The following CNTNAP3B variants were observed in gnomAD, a reference collection of about 807,000 sequenced individuals.
CNTNAP3B encodes contactin-associated protein-like 3B.
CNTNAP3B carries 25 observed loss-of-function variants against 108.9 expected under a neutral mutation model. The ratio of observed to expected loss-of-function variants is 0.23; its 90% CI spans 0.17 to 0.32. The LOEUF (loss-of-function observed/expected upper bound fraction) is 0.32, where lower values mean the gene tolerates loss of function less well. CNTNAP3B is among the 10% of genes least tolerant of loss of function. The probability of loss-of-function intolerance (pLI) is 1.00; values close to 1 mark genes in which losing one functional copy is unlikely to be tolerated. For synonymous variants in CNTNAP3B, 103 were observed against 473.4 expected (o/e 0.22, Z 10.16); for missense variants, 252 against 1,210.4 (o/e 0.21, Z 11.75).
chr9:41,919,552 T>C (rs1323165976), intron 18 of CNTNAP3B, among the ~76,000 whole-genome samples: 1 of 152,308 alleles, frequency 6.6e-6, no homozygotes, highest in Non-Finnish European at 1.5e-5. Context: ...AATATTCTTT[T>C]CCCCTTCTAG....
chr9:42,089,652 AT>A (rs1348274288), intron 2 of CNTNAP3B, among the ~76,000 whole-genome samples: 1 of 148,282 alleles, frequency 6.7e-6, no homozygotes, highest in African/African-American at 2.5e-5. Flanking sequence ...TTCAGTAATT[AT>A]TTTCTCTGCC....
At chr9:41,959,619 G>A (rs1261970771) in intron 12 of CNTNAP3B, among the ~76,000 whole-genome samples, 1 of 152,308 alleles carries the variant, frequency 6.6e-6, no homozygotes, top group East Asian at 1.9e-4. Flanking sequence ...GGAGGTAATT[G>A]GTATCTTATG....
chr9:42,038,455 TA>T (rs370018301), intron 3 of CNTNAP3B, among the ~76,000 whole-genome samples: 6 of 74,202 alleles, frequency 8.1e-5, no homozygotes, highest in Admixed American at 1.4e-4. Context: ...CAATGGAAAA[TA>T]AAAAAAAAGC....
At chr9:41,919,849 G>A (rs1294510575) in intron 18 of CNTNAP3B, among the ~76,000 whole-genome samples, 2 of 152,306 alleles carry the variant, frequency 1.3e-5, no homozygotes, top group Admixed American at 6.5e-5. Flanking sequence ...GGGTAACCCA[G>A]AGATCTTCTA....
At chr9:41,964,467 A>C in intron 11 of CNTNAP3B, 71 bp downstream of exon 11, 1 of 1,388,062 alleles carries the variant, frequency 7.2e-7, no homozygotes, top group Non-Finnish European at 9.6e-7. Context: ...ATGCAGATAC[A>C]TATAAACAAC....
intron 3 of CNTNAP3B, among the ~76,000 whole-genome samples, chr9:42,060,205 C>T (rs1406691792): frequency 7.2e-6 from 1 of 138,244 alleles, no homozygotes; most frequent in African/African-American, 2.9e-5. Context: ...GTCCTCTTTA[C>T]AACCAATATG....
intron 3 of CNTNAP3B, among the ~76,000 whole-genome samples, chr9:42,044,337 C>A (rs1454940352): frequency 2.0e-5 from 3 of 151,018 alleles, no homozygotes; most frequent in Non-Finnish European, 2.9e-5. Flanking sequence ...TGGCATCCAC[C>A]AGGGATTTGG....
chr9:41,923,114 A>G (rs1823713953), intron 16 of CNTNAP3B, among the ~76,000 whole-genome samples: 1 of 123,970 alleles, frequency 8.1e-6, no homozygotes, highest in South Asian at 2.5e-4. Flanking sequence ...TCACAATTCA[A>G]CCTTGTTAAG....
chr9:41,942,482 G>A (rs1174895297), intron 13 of CNTNAP3B, among the ~76,000 whole-genome samples: 1 of 151,308 alleles, frequency 6.6e-6, no homozygotes, highest in Non-Finnish European at 1.5e-5. Flanking sequence ...GTGGTGGCGG[G>A]CGCCTGTAGT....
At chr9:41,920,927 T>C (rs1392423278) in intron 17 of CNTNAP3B, among the ~76,000 whole-genome samples, 5 of 152,304 alleles carry the variant, frequency 3.3e-5, no homozygotes, top group Admixed American at 6.5e-5. Context: ...TGCATGCACA[T>C]TTTGTCATGT....
intron 1 of CNTNAP3B, among the ~76,000 whole-genome samples, chr9:42,115,374 C>T (rs62558084): frequency 0.014 from 1,883 of 134,584 alleles, 267 homozygotes; most frequent in South Asian, 0.059. Flanking sequence ...GTGGTTCTCC[C>T]AGCATGGAGT....
At position 42,113,879 on chromosome 9, in the gene CNTNAP3B, T is replaced by G. The variant is rs182319561; in HGVS notation, c.86-9140A>C. ...CTTGATGCACTTATTTCACATTGCA[T>G]GCCTGTATCAAAACATCTCATGTAG... is the stretch of plus-strand genomic sequence containing the variant. On this transcript the variant is annotated intron_variant, in intron 1 of 23. Transcript: ENST00000377561. Among the ~76,000 whole-genome samples the G allele has an allele frequency of 5.7e-3, 794 of 139,520 alleles. 181 individuals carry two copies. The highest frequency in any genetic ancestry group is 0.022 in the African/African-American group (772 of 35,286). The allele number at this position is 139,520 out of a possible 152,430, so 91.5% of individuals were successfully genotyped here.
intron 3 of CNTNAP3B, among the ~76,000 whole-genome samples, chr9:42,055,424 C>T (rs1412362524): frequency 2.8e-5 from 4 of 143,466 alleles, no homozygotes; most frequent in African/African-American, 1.1e-4. Flanking sequence ...TTTCTCAAGG[C>T]TGCATGCTAT....
Position 41,948,148 on chromosome 9 carries a change from G to T in CNTNAP3B, c.2080+5035C>A, listed in dbSNP as rs1476558351. ...GTTCTGTTGTCCAGGCTGGAGTGCA[G>T]TGGTGTGATCTTGGCTCACTGCAAC... On this transcript the variant is annotated intron_variant, in intron 13 of 23. Transcript: ENST00000377561. 2.7e-5 allele frequency among the ~76,000 whole-genome samples: 4 copies of T among 149,620 alleles called. No individual in the cohort carries two copies. In the South Asian group the frequency reaches 8.5e-4, roughly 32 times the overall value.
chr9:42,125,455 C>G (rs1828546161), intron 1 of CNTNAP3B, among the ~76,000 whole-genome samples: 2 of 141,832 alleles, frequency 1.4e-5, no homozygotes, highest in South Asian at 4.5e-4. Flanking sequence ...GCATGGATGC[C>G]TAAGCTGAAC....
intron 1 of CNTNAP3B, among the ~76,000 whole-genome samples, chr9:42,127,878 C>G (rs1369947104): frequency 7.2e-6 from 1 of 139,186 alleles, no homozygotes; most frequent in African/African-American, 2.9e-5. Flanking sequence ...TGAGCTACGG[C>G]AAACTTTTCA....
chr9:42,075,476 G>A (rs1255785313), intron 3 of CNTNAP3B, among the ~76,000 whole-genome samples: 4 of 136,380 alleles, frequency 2.9e-5, no homozygotes, highest in Non-Finnish European at 6.2e-5. Context: ...CATGAGAGTT[G>A]ACATCTGTCA....
At chr9:41,918,604 G>T (rs1243610528) in intron 18 of CNTNAP3B, among the ~76,000 whole-genome samples, 1 of 141,868 alleles carries the variant, frequency 7.0e-6, no homozygotes. Context: ...ATTAGATTAG[G>T]TAATCTAACT....
At chr9:42,119,777 G>C (rs1587287621) in intron 1 of CNTNAP3B, among the ~76,000 whole-genome samples, 1 of 140,810 alleles carries the variant, frequency 7.1e-6, no homozygotes, top group South Asian at 2.3e-4. Context: ...GCCATAAGTA[G>C]AAAGCTGAAA....
Sources: allele counts gnomAD v4.1 joint callset (sites outside exome capture counted in the v4.1 genomes callset), GRCh38; gene constraint gnomAD v4.1.1; transcripts MANE v1.5; gene names NCBI Gene and HGNC (gene_info 2026-07-23, HGNC 2026-07-21).